ACACA: variants seen among roughly 807,000 people sequenced by gnomAD.
ACACA encodes the protein acetyl-CoA carboxylase 1.
ACACA carries 103 observed loss-of-function variants against 296.1 expected under a neutral mutation model. The ratio of observed to expected loss-of-function variants is 0.35; its 90% CI spans 0.30 to 0.41. ACACA has a LOEUF of 0.41. Ranked by LOEUF, ACACA falls within the 10% of genes least tolerant of loss-of-function variation. The probability of loss-of-function intolerance (pLI) is 1.00; values close to 1 mark genes in which losing one functional copy is unlikely to be tolerated. For synonymous variants in ACACA, 953 were observed against 1,038.6 expected, an observed-to-expected ratio of 0.92 and a Z score of 1.58; for missense variants, 1,554 against 2,989.7, an observed-to-expected ratio of 0.52 and a Z score of 11.20.
chr17:37,269,220 C>T (rs899764751), intron 10 of ACACA, among the ~76,000 whole-genome samples: 12 of 152,086 alleles, frequency 7.9e-5, no homozygotes, highest in Admixed American at 3.3e-4. Flanking sequence ...GCAATGCTCC[C>T]GCTTTAGACT....
chr17:37,280,332 C>T (rs149345603), intron 5 of ACACA, among the ~76,000 whole-genome samples: 6 of 152,212 alleles, frequency 3.9e-5, no homozygotes, highest in African/African-American at 1.2e-4. Context: ...CCTCAGCCTC[C>T]GGAGTAGCTG....
At chr17:37,271,454 G>A (rs1457759934) in intron 9 of ACACA, among the ~76,000 whole-genome samples, 1 of 152,104 alleles carries the variant, frequency 6.6e-6, no homozygotes, top group Non-Finnish European at 1.5e-5. Context: ...GGTGGAGGTT[G>A]CAGTGAGCCA....
intron 16 of ACACA, among the ~76,000 whole-genome samples, chr17:37,251,574 C>CT (rs1437942827): frequency 6.6e-6 from 1 of 152,198 alleles, no homozygotes; most frequent in Non-Finnish European, 1.5e-5. Context: ...GTCTGACCCT[C>CT]TACTTGAAAG....
chr17:37,089,575 A>G (rs1167564204), intron 54 of ACACA, among the ~76,000 whole-genome samples: 3 of 152,244 alleles, frequency 2.0e-5, no homozygotes, highest in African/African-American at 7.2e-5. Flanking sequence ...GTCTCCTGAA[A>G]TAGAGCCCAC....
intron 3 of ACACA, among the ~76,000 whole-genome samples, chr17:37,292,279 C>G (rs2083106541): frequency 6.6e-6 from 1 of 152,136 alleles, no homozygotes; most frequent in African/African-American, 2.4e-5. Context: ...AAGCATTAAA[C>G]AGTTAGACTT....
chr17:37,308,547 A>G (rs527685583), intron 3 of ACACA, among the ~76,000 whole-genome samples: 1 of 152,360 alleles, frequency 6.6e-6, no homozygotes, highest in East Asian at 1.9e-4. Flanking sequence ...AAAAAAATTG[A>G]TAAATTTCTT....
At chr17:37,282,142 T>C (rs1830600830) in intron 5 of ACACA, among the ~76,000 whole-genome samples, 1 of 152,232 alleles carries the variant, frequency 6.6e-6, no homozygotes, top group Admixed American at 6.5e-5. Context: ...AGCTCCCTCA[T>C]GAATGGCTTG....
intron 22 of ACACA, 51 bp from the exon 23 acceptor site, chr17:37,242,104 C>T (rs773280685): frequency 1.4e-6 from 2 of 1,397,682 alleles, no homozygotes; most frequent in Admixed American, 3.4e-5. Flanking sequence ...CAAAATGCCC[C>T]AAAGCATCAG....
chr17:37,190,653 G>C (rs2077716390), intron 38 of ACACA, among the ~76,000 whole-genome samples: 1 of 152,144 alleles, frequency 6.6e-6, no homozygotes, highest in Non-Finnish European at 1.5e-5. Flanking sequence ...ACACTAAAGA[G>C]AGATAGGTTA....
intron 40 of ACACA, 23 bp from the exon 41 acceptor site, chr17:37,179,429 C>T (rs762870695): frequency 6.2e-7 from 1 of 1,613,260 alleles, no homozygotes; most frequent in South Asian, 1.1e-5. Context: ...AGAAGTTTGA[C>T]TAATCAGTCA....
chr17:37,245,022 C>T (rs919870123), intron 20 of ACACA, 58 bp downstream of exon 20: 1 of 1,612,796 alleles, frequency 6.2e-7, no homozygotes, highest in South Asian at 1.1e-5. Context: ...CTTGCCTCTC[C>T]AAACCACCAA....
At chr17:37,243,331 T>G in intron 22 of ACACA, 40 bp downstream of exon 22, 1 of 1,567,138 alleles carries the variant, frequency 6.4e-7, no homozygotes, top group Non-Finnish European at 8.8e-7. Context: ...AACTCTGGCA[T>G]TGGTAGCCAG....
chr17:37,245,771 T>G (rs2080668181), intron 19 of ACACA, among the ~76,000 whole-genome samples: 2 of 152,198 alleles, frequency 1.3e-5, no homozygotes. Context: ...GCAATCTTCC[T>G]AGACCCCAAA....
intron 45 of ACACA, among the ~76,000 whole-genome samples, chr17:37,142,059 G>C (rs1269459429): frequency 6.6e-6 from 1 of 150,724 alleles, no homozygotes; most frequent in Non-Finnish European, 1.5e-5. Flanking sequence ...AAAAATTTGA[G>C]CACATTCATA....
intron 1 of ACACA, among the ~76,000 whole-genome samples, chr17:37,394,805 C>T (rs961171260): frequency 5.3e-5 from 8 of 151,050 alleles, no homozygotes; most frequent in African/African-American, 1.7e-4. Context: ...AGGAGAATGG[C>T]GTGAACCCGG....
chr17:37,122,931 A>G, intron 48 of ACACA: 1 of 475,612 alleles, frequency 2.1e-6, no homozygotes, highest in South Asian at 2.1e-5. Flanking sequence ...TAGCACATAT[A>G]CACATCCCTA....
At chr17:37,300,528 G>C (rs2083569326) in intron 3 of ACACA, among the ~76,000 whole-genome samples, 1 of 152,146 alleles carries the variant, frequency 6.6e-6, no homozygotes, top group African/African-American at 2.4e-5. Context: ...GATAGAAATA[G>C]TTAACAATCT....
chr17:37,147,578 G>T (rs1597971832), intron 45 of ACACA, among the ~76,000 whole-genome samples: 2 of 152,162 alleles, frequency 1.3e-5, no homozygotes, highest in South Asian at 2.1e-4. Flanking sequence ...GGGGCTAATA[G>T]GATATTCTGA....
At chr17:37,372,912 G>A (rs1386217676) in intron 1 of ACACA, among the ~76,000 whole-genome samples, 2 of 150,988 alleles carry the variant, frequency 1.3e-5, no homozygotes, top group Non-Finnish European at 2.9e-5. Flanking sequence ...ATGGAGTCTC[G>A]CACTGTCACC....
Sources: allele counts gnomAD v4.1 joint callset (sites outside exome capture counted in the v4.1 genomes callset), GRCh38; gene constraint gnomAD v4.1.1; transcripts MANE v1.5; gene names NCBI Gene and HGNC (gene_info 2026-07-23, HGNC 2026-07-21).